The following LCOR variants were observed in gnomAD, a reference collection of about 807,000 sequenced individuals.
LCOR encodes ligand dependent nuclear receptor corepressor, also known as ligand-dependent corepressor.
In LCOR, 14 loss-of-function variants were observed where a neutral mutation model predicts 64.4. The observed-to-expected ratio is 0.22, with a 90% confidence interval of 0.14 to 0.34. LCOR has a LOEUF of 0.34. Ranked by LOEUF, LCOR falls within the 10% of genes least tolerant of loss-of-function variation. LCOR has a pLI of 1.00. For synonymous variants in LCOR, 643 were observed against 642.5 expected (o/e 1.00, Z -0.01); for missense variants, 1,686 against 1,765.3 (o/e 0.96, Z 0.80).
intron 7 of LCOR, among the ~76,000 whole-genome samples, chr10:96,976,326 A>G (rs368273626): frequency 7.9e-5 from 12 of 152,278 alleles, no homozygotes; most frequent in African/African-American, 2.4e-4. Context: ...AGCCTGTGTC[A>G]GTCTCTCTGA....
At chr10:96,929,253 C>T (rs1847217148) in intron 4 of LCOR, among the ~76,000 whole-genome samples, 1 of 152,208 alleles carries the variant, frequency 6.6e-6, no homozygotes, top group Admixed American at 6.5e-5. Flanking sequence ...CAGTATGAGG[C>T]CTTTTTGTCT....
At chr10:96,886,858 T>C in intron 2 of LCOR, among the ~76,000 whole-genome samples, 1 of 152,210 alleles carries the variant, frequency 6.6e-6, no homozygotes, top group East Asian at 1.9e-4. Context: ...TCTAATCATA[T>C]AACTTTATAC....
At chr10:96,923,679 C>G (rs1417667385) in intron 4 of LCOR, among the ~76,000 whole-genome samples, 1 of 152,152 alleles carries the variant, frequency 6.6e-6, no homozygotes, top group Non-Finnish European at 1.5e-5. Flanking sequence ...TATTTATTGC[C>G]TTAAGGACTA....
chr10:96,984,761 C>T lies in LCOR; in HGVS notation c.4301C>T (p.Ala1434Val). 1.2e-6 allele frequency: 2 copies of T among 1,613,614 alleles called. No homozygotes were observed. Among genetic ancestry groups the T allele is most frequent in the Non-Finnish European group, 1.7e-6 (2 of 1,179,926 alleles). ...HADGATKTPA[A>V]KRPAARDRSS... ...GATGGAGCCACCAAAACCCCTGCTG[C>T]CAAGAGGCCAGCTGCAAGGGACAGA... The change falls in exon 8 of 8, where the codon GCC becomes GTC. Residue 1434 changes from alanine to valine, a missense_variant. Around this residue, in one of 3 missense-constraint regions of LCOR, gnomAD observed 1,293 missense variants for 1,410.4 expected, o/e 0.92. Transcript: ENST00000421806.
At chr10:96,904,145 G>A (rs1846687978) in intron 2 of LCOR, among the ~76,000 whole-genome samples, 1 of 152,208 alleles carries the variant, frequency 6.6e-6, no homozygotes, top group Non-Finnish European at 1.5e-5. Flanking sequence ...AACACTGCCT[G>A]TTGAACAGTC....
chr10:96,846,301 C>T (rs1160782603), intron 2 of LCOR, among the ~76,000 whole-genome samples: 1 of 151,938 alleles, frequency 6.6e-6, no homozygotes, highest in Admixed American at 6.6e-5. Context: ...GTCACTCAGG[C>T]TGGAGTACAG....
intron 2 of LCOR, among the ~76,000 whole-genome samples, chr10:96,850,518 ATC>A (rs1469275583): frequency 1.3e-5 from 2 of 152,152 alleles, no homozygotes; most frequent in African/African-American, 4.8e-5. Flanking sequence ...TTGAGACAGC[ATC>A]TCTGTCACCC....
At position 96,986,357 on chromosome 10, in the gene LCOR, C is replaced by G. The variant is rs555466570; in HGVS notation, c.*1223C>G. The stretch of plus-strand genomic sequence containing the variant: ...TGGAGTTATGTAAAGGTTAGAGCAG[C>G]CTTGCAGTTGGAGGAAGCAGCTCCA... On this transcript the variant is annotated 3_prime_UTR_variant, in exon 8 of 8. Transcript: ENST00000421806. The G allele has an allele frequency of 1.3e-5, 2 of 152,970 alleles. No homozygotes were observed. Among genetic ancestry groups the G allele is most frequent in the Non-Finnish European group, 2.9e-5 (2 of 68,148 alleles). The allele number at this position is 152,970 out of a possible 1,614,324, so 9.5% of individuals were successfully genotyped here. A position where few individuals can be genotyped will look rare whatever the true frequency, so the allele number is the denominator to read the frequency against.
chr10:96,955,477 G>C, intron 7 of LCOR: 1 of 1,614,150 alleles, frequency 6.2e-7, no homozygotes, highest in Non-Finnish European at 8.5e-7. Flanking sequence ...CAAACGGAGA[G>C]CGCGCTTAGT....
At chr10:96,903,113 C>T (rs1195445077) in intron 2 of LCOR, among the ~76,000 whole-genome samples, 1 of 151,984 alleles carries the variant, frequency 6.6e-6, no homozygotes, top group African/African-American at 2.4e-5. Context: ...AATTGTCACA[C>T]GTGGATAGGG....
intron 2 of LCOR, among the ~76,000 whole-genome samples, chr10:96,843,284 C>T (rs1845572503): frequency 6.6e-6 from 1 of 151,938 alleles, no homozygotes; most frequent in South Asian, 2.1e-4. Context: ...TTCATCATGC[C>T]TGGCTAGTTT....
chr10:96,833,148 C>G (rs1845375727), intron 1 of LCOR: 1 of 985,406 alleles, frequency 1.0e-6, no homozygotes, highest in African/African-American at 1.7e-5. Context: ...CGGTGTCGTG[C>G]TGCGGGAGGA....
intron 7 of LCOR, among the ~76,000 whole-genome samples, chr10:96,973,837 A>G (rs1022666298): frequency 6.6e-6 from 1 of 152,226 alleles, no homozygotes; most frequent in East Asian, 1.9e-4. Context: ...CTCATCAAGC[A>G]GTTATTGGTA....
chr10:96,878,813 C>A (rs1846212981), intron 2 of LCOR, among the ~76,000 whole-genome samples: 1 of 152,100 alleles, frequency 6.6e-6, no homozygotes, highest in Non-Finnish European at 1.5e-5. Context: ...CTCCCCTCTT[C>A]CGACAGTGTC....
chr10:96,935,139 C>CTTTTTTTTT lies in LCOR; in HGVS notation c.-183-8955_-183-8947dup, dbSNP rs34176037. Among the ~76,000 whole-genome samples the CTTTTTTTTT allele has an allele frequency of 1.4e-4, 9 of 65,556 alleles. 2 individuals are homozygous for CTTTTTTTTT. Among genetic ancestry groups the CTTTTTTTTT allele is most frequent in the Non-Finnish European group, 2.4e-4 (8 of 33,944 alleles). The allele number at this position is 65,556 out of a possible 152,430, so 43.0% of individuals were successfully genotyped here. A position where few individuals can be genotyped will look rare whatever the true frequency, so the allele number is the denominator to read the frequency against. ...TTTTCCTTATCTCCTGGCTATTTTA[C>CTTTTTTTTT]TTTTTTTTTTTTTTTTTTTTTTTTT... is the stretch of plus-strand genomic sequence containing the variant. On this transcript the variant is annotated intron_variant, in intron 4 of 7. Transcript: ENST00000421806.
chr10:96,925,575 A>T (rs971369292), intron 4 of LCOR, among the ~76,000 whole-genome samples: 6 of 152,122 alleles, frequency 3.9e-5, no homozygotes, highest in African/African-American at 1.4e-4. Context: ...TAATCAGGTG[A>T]TGTTAACTTT....
At chr10:96,909,561 C>T (rs1447289702) in intron 4 of LCOR, among the ~76,000 whole-genome samples, 1 of 152,180 alleles carries the variant, frequency 6.6e-6, no homozygotes. Context: ...CTAGACAGAC[C>T]ATGCTGTATG....
chr10:96,889,679 A>T (rs1389003563), intron 2 of LCOR, among the ~76,000 whole-genome samples: 1 of 152,224 alleles, frequency 6.6e-6, no homozygotes, highest in South Asian at 2.1e-4. Context: ...CACTGGGGTT[A>T]GGGCGTTAAC....
chr10:96,854,282 G>A (rs1233387708), intron 2 of LCOR, among the ~76,000 whole-genome samples: 5 of 152,114 alleles, frequency 3.3e-5, no homozygotes, highest in African/African-American at 2.4e-5. Flanking sequence ...TACATGGAGC[G>A]AAAAAGAATT....
Sources: gnomAD v4.1 joint callset for allele counts (sites outside exome capture counted in the v4.1 genomes callset) on GRCh38, gnomAD v4.1.1 for gene constraint, gnomAD v4.1.1 regional missense constraint, MANE v1.5 for transcripts, NCBI Gene and HGNC (gene_info 2026-07-23, HGNC 2026-07-21) for gene names.